Variants in CFHR3 observed in about 807,000 individuals in gnomAD.
CFHR3 encodes the protein complement factor H related 3.
A neutral mutation model predicts 36.0 loss-of-function variants in CFHR3; 22 were observed. The observed-to-expected ratio is 0.61, with a 90% CI of 0.44 to 0.87. The LOEUF (loss-of-function observed/expected upper bound fraction) is 0.87, where lower values mean the gene tolerates loss of function less well. Among genes scored for constraint, CFHR3 ranks in the 40% least tolerant of loss-of-function variants. The pLI is 0.00. For synonymous variants in CFHR3, 97 were observed against 137.4 expected (o/e 0.71, Z 2.06); for missense variants, 276 against 401.3 (o/e 0.69, Z 2.67).
rs1344077745 is a variant in CFHR3 at position 196,783,902 on chromosome 1, C to A, written c.430+3929C>A. Among the ~76,000 whole-genome samples the A allele has an allele frequency of 2.2e-5, 3 of 134,534 alleles. 1 individual carries two copies. The highest frequency in any genetic ancestry group is 4.7e-5 in the Non-Finnish European group (3 of 63,904). 88.3% of individuals were successfully genotyped at this position (134,534 alleles called of 152,430 possible). A position where few individuals can be genotyped will look rare whatever the true frequency, so the allele number is the denominator to read the frequency against. On this transcript the variant is annotated intron_variant, in intron 3 of 5. Coordinates refer to ENST00000367425, the MANE Select transcript of CFHR3 (RefSeq NM_021023.6). ...TCTTTTAATTGTGATGTTAGGGTGT[C>A]AATTTTGGATCTTTCCTGCTTTCTC...
chr1:196,782,446 TC>T lies in CFHR3; in HGVS notation c.430+2474del, dbSNP rs1653994656. 1.5e-5 allele frequency among the ~76,000 whole-genome samples: 2 copies of T among 137,378 alleles called. 1 individual carries two copies. Among genetic ancestry groups the T allele is most frequent in the African/African-American group, 6.1e-5 (2 of 32,948 alleles). The allele number at this position is 137,378 out of a possible 152,430, so 90.1% of individuals were successfully genotyped here. ...CCTCCTACCCATGAGCATGGAATGT[TC>T]TTCCATTTGTTTGTATCCTCTTTTA... is the stretch of plus-strand genomic sequence containing the variant. On this transcript the variant is annotated intron_variant, in intron 3 of 5. Transcript: ENST00000367425.
In CFHR3 at chr1:196,795,385, A is replaced by G. The variant is rs371452938; in HGVS notation, c.*1872A>G. The G allele has an allele frequency of 7.3e-6, 1 of 137,164 alleles. No individual in the cohort carries two copies. Among genetic ancestry groups the G allele is most frequent in the East Asian group, 2.0e-4 (1 of 5,116 alleles). 8.5% of individuals were successfully genotyped at this position (137,164 alleles called of 1,614,324 possible). A position where few individuals can be genotyped will look rare whatever the true frequency, so the allele number is the denominator to read the frequency against. ...AGCAATGTGGAACTGTGAGTCCATTAAACCTCTTTCCTTTATAAATTACCT... is the reference window on the plus strand; with the variant it reads ...AGCAATGTGGAACTGTGAGTCCATTGAACCTCTTTCCTTTATAAATTACCT... On this transcript the variant is annotated 3_prime_UTR_variant, in exon 6 of 6. Coordinates refer to ENST00000367425, the MANE Select transcript of CFHR3 (RefSeq NM_021023.6).
chr1:196,783,590 C>T (rs150627704), intron 3 of CFHR3, among the ~76,000 whole-genome samples: 32,688 of 129,484 alleles, frequency 0.25, 8,319 homozygotes, highest in East Asian at 0.5. Context: ...TTTATTTGCG[C>T]AGAGGTGTTT....
intron 3 of CFHR3, among the ~76,000 whole-genome samples, chr1:196,781,839 G>A (rs1653964175): frequency 7.4e-6 from 1 of 135,522 alleles, no homozygotes; most frequent in Non-Finnish European, 1.6e-5. Context: ...GGCTTTTGTT[G>A]CCATTGCTTT....
chr1:196,780,020 T>C, intron 3 of CFHR3, 47 bp downstream of exon 3: 1 of 1,526,022 alleles, frequency 6.6e-7, no homozygotes, highest in Non-Finnish European at 8.9e-7. Flanking sequence ...TCTTTCTAAG[T>C]AACACGGACG....
At chr1:196,776,873 G>A (rs977333949) in intron 1 of CFHR3, among the ~76,000 whole-genome samples, 4 of 135,562 alleles carry the variant, frequency 3.0e-5, no homozygotes, top group Admixed American at 2.1e-4. Flanking sequence ...AGATTTTAGA[G>A]GGTATTCATC....
At chr1:196,786,531 G>A (rs996789238) in intron 3 of CFHR3, among the ~76,000 whole-genome samples, 1 of 135,726 alleles carries the variant, frequency 7.4e-6, no homozygotes, top group Non-Finnish European at 1.6e-5. Flanking sequence ...CCCCAGCCTC[G>A]CTGCCGCCTT....
chr1:196,786,592 A>C (rs1409512725), intron 3 of CFHR3, among the ~76,000 whole-genome samples: 1 of 136,056 alleles, frequency 7.3e-6, no homozygotes, highest in African/African-American at 3.1e-5. Context: ...CTCCGTGGGC[A>C]TAGGACCCTC....
rs532991212 is a variant in CFHR3 at position 196,793,603 on chromosome 1, T to C, written c.*90T>C. On this transcript the variant is annotated 3_prime_UTR_variant, in exon 6 of 6. Coordinates refer to ENST00000367425, the MANE Select transcript of CFHR3 (RefSeq NM_021023.6). ...CAAAGCTTGCAAAGATAGCTTCTGA[T>C]ATTGTTGTAATTTCTACTTTATTTC... 1.6e-4 allele frequency: 189 copies of C among 1,218,944 alleles called. 43 individuals are homozygous for C. The South Asian group carries it at 2.7e-3, about 17-fold the overall frequency. 75.5% of individuals were successfully genotyped at this position (1,218,944 alleles called of 1,614,324 possible).
rs770027832 is a variant in CFHR3, at chr1:196,779,984, C to T, written c.430+11C>T. ...GATGCATCCGTGTCAGTAAGTACAC[C>T]GCTCTGAGATCCCAGCATGTTCATG... is the stretch of plus-strand genomic sequence containing the variant. On this transcript the variant is annotated intron_variant, in intron 3 of 5. Transcript: ENST00000367425. The T allele has an allele frequency of 7.2e-6, 11 of 1,531,904 alleles. 2 individuals are homozygous for T. The highest frequency in any genetic ancestry group is 1.7e-5 in the Admixed American group (1 of 58,206). 94.9% of individuals were successfully genotyped at this position (1,531,904 alleles called of 1,614,324 possible).
Position 196,793,507 on chromosome 1 carries a change from C to G in CFHR3, c.987C>G (p.Cys329Trp). ...AAGGGATAGTGGAATACCCCAGATG[C>G]GAATAAGGCAGCATTGTTACCCTAA... ...CREGIVEYPRCE is the reference protein window; with the variant it reads ...CREGIVEYPRWE The change falls in exon 6 of 6, where the codon TGC (cysteine) becomes TGG (tryptophan). Residue 329 changes from cysteine to tryptophan, a missense_variant. Transcript: ENST00000367425. 6.6e-7 allele frequency: 1 copy of G among 1,522,432 alleles called. No homozygotes were observed. The highest frequency in any genetic ancestry group is 8.9e-7 in the Non-Finnish European group (1 of 1,125,890). 94.3% of individuals were successfully genotyped at this position (1,522,432 alleles called of 1,614,324 possible). A position where few individuals can be genotyped will look rare whatever the true frequency, so the allele number is the denominator to read the frequency against.
chr1:196,779,693 T>C, intron 2 of CFHR3, 104 bp from the exon 3 acceptor site: 1 of 1,341,608 alleles, frequency 7.5e-7, no homozygotes, highest in African/African-American at 1.8e-5. Flanking sequence ...TTTTGGATGT[T>C]TATGCGATCT....
Position 196,778,799 on chromosome 1 carries a change from C to G in CFHR3, c.59-363C>G, listed in dbSNP as rs553546063. On this transcript the variant is annotated intron_variant, in intron 1 of 5. Transcript: ENST00000367425. ...CCCTGAACTGACAGCTTTAGCATAACTTGGTATAGTTCTAGATAAGCTCAG... is the reference window on the plus strand; with the variant it reads ...CCCTGAACTGACAGCTTTAGCATAAGTTGGTATAGTTCTAGATAAGCTCAG... 8.8e-5 allele frequency among the ~76,000 whole-genome samples: 12 copies of G among 136,490 alleles called. 3 individuals are homozygous for G. The South Asian group carries it at 1.5e-3, about 17-fold the overall frequency. 89.5% of individuals were successfully genotyped at this position (136,490 alleles called of 152,430 possible).
intron 3 of CFHR3, among the ~76,000 whole-genome samples, chr1:196,784,460 A>G (rs12566901): frequency 0.3 from 39,742 of 133,488 alleles, 11,613 homozygotes; most frequent in East Asian, 0.53. Context: ...AGGTCACTCC[A>G]GACTTGCTTT....
intron 3 of CFHR3, among the ~76,000 whole-genome samples, chr1:196,782,151 C>T (rs1653980062): frequency 7.3e-6 from 1 of 136,640 alleles, no homozygotes; most frequent in African/African-American, 3.1e-5. Context: ...TGTTCTGTTC[C>T]ATTGATCTAT....
rs528086552 is a variant in CFHR3 at position 196,786,257 on chromosome 1, C to T, written c.431-1959C>T. Among the ~76,000 whole-genome samples, 5 of 135,500 alleles carry T rather than the reference C, an allele frequency of 3.7e-5. 1 individual carries two copies. The highest frequency in any genetic ancestry group is 2.8e-4 in the Admixed American group (4 of 14,160). 88.9% of individuals were successfully genotyped at this position (135,500 alleles called of 152,430 possible). A position where few individuals can be genotyped will look rare whatever the true frequency, so the allele number is the denominator to read the frequency against. On this transcript the variant is annotated intron_variant, in intron 3 of 5. Coordinates refer to ENST00000367425, the MANE Select transcript of CFHR3 (RefSeq NM_021023.6). Reference sequence around the variant, plus strand: ...TAGGCTGCTCGGGGGTTGGGGTCAGCGACCAACTTGAGGAGGCAGTCTGCC... The same window carrying T: ...TAGGCTGCTCGGGGGTTGGGGTCAGTGACCAACTTGAGGAGGCAGTCTGCC...
Position 196,779,218 on chromosome 1 carries a change from C to G in CFHR3, c.115C>G (p.Arg39Gly), listed in dbSNP as rs143890724. 4.6e-6 allele frequency: 7 copies of G among 1,529,150 alleles called. 1 individual carries two copies. In the Admixed American group the frequency reaches 8.6e-5, roughly 19 times the overall value. 94.7% of individuals were successfully genotyped at this position (1,529,150 alleles called of 1,614,324 possible). A position where few individuals can be genotyped will look rare whatever the true frequency, so the allele number is the denominator to read the frequency against. Residue 39 changes from arginine (R) to glycine (G), a missense_variant, in exon 2 of 6, where the codon CGT becomes GGT. Transcript: ENST00000367425. ...TGGAGGTCTATTTCATGAGAATATGCGTAGACCATACTTTCCAGTAGCTGT... is the reference window on the plus strand; with the variant it reads ...TGGAGGTCTATTTCATGAGAATATGGGTAGACCATACTTTCCAGTAGCTGT... ...KHGGLFHENM[R>G]RPYFPVAVGK...
rs1354301665 is a variant in CFHR3, at chr1:196,777,025, G to A, written c.58+2081G>A. Reference sequence around the variant, plus strand: ...AGCAAATATTTTTCATATGATTAATGAAGGATATACTTTGTGAGTTGCTTA... The same window carrying A: ...AGCAAATATTTTTCATATGATTAATAAAGGATATACTTTGTGAGTTGCTTA... On this transcript the variant is annotated intron_variant, in intron 1 of 5. Coordinates refer to ENST00000367425, the MANE Select transcript of CFHR3 (RefSeq NM_021023.6). Among the ~76,000 whole-genome samples, 2 of 135,194 alleles carry A rather than the reference G, an allele frequency of 1.5e-5. 1 individual carries two copies. Among genetic ancestry groups the A allele is most frequent in the Non-Finnish European group, 3.1e-5 (2 of 64,058 alleles). 88.7% of individuals were successfully genotyped at this position (135,194 alleles called of 152,430 possible). A position where few individuals can be genotyped will look rare whatever the true frequency, so the allele number is the denominator to read the frequency against.
Position 196,794,012 on chromosome 1 carries a change from C to T in CFHR3, c.*499C>T, listed in dbSNP as rs12065867. ...TGTTTCCTGGCAAACACTGACATTA[C>T]ATCATTATCATGATTTAAAGGAAAT... is the stretch of plus-strand genomic sequence containing the variant. On this transcript the variant is annotated 3_prime_UTR_variant, in exon 6 of 6. Coordinates refer to ENST00000367425, the MANE Select transcript of CFHR3 (RefSeq NM_021023.6). The T allele has an allele frequency of 1.6e-3, 237 of 144,264 alleles. 36 individuals carry two copies. The highest frequency in any genetic ancestry group is 9.0e-3 in the East Asian group (48 of 5,348). 8.9% of individuals were successfully genotyped at this position (144,264 alleles called of 1,614,324 possible).
Sources: gnomAD v4.1 joint callset for allele counts (sites outside exome capture counted in the v4.1 genomes callset) on GRCh38, gnomAD v4.1.1 for gene constraint, MANE v1.5 for transcripts, NCBI Gene and HGNC (gene_info 2026-07-23, HGNC 2026-07-21) for gene names.